The following DOCK10 variants were observed in gnomAD, a reference collection of about 807,000 sequenced individuals.
DOCK10 encodes the protein dedicator of cytokinesis 10.
A neutral mutation model predicts 280.1 loss-of-function variants in DOCK10; 145 were observed. The ratio of observed to expected loss-of-function variants is 0.52; its 90% confidence interval spans 0.45 to 0.59. The LOEUF (loss-of-function observed/expected upper bound fraction) is 0.59. Ranked by LOEUF, DOCK10 falls within the 20% of genes least tolerant of loss-of-function variation. The pLI, the probability that DOCK10 is intolerant of heterozygous loss-of-function variation, is 0.00. For synonymous variants in DOCK10, 915 were observed against 942.2 expected (o/e 0.97, Z 0.53); for missense variants, 2,368 against 2,651.7 (o/e 0.89, Z 2.35).
intron 29 of DOCK10, 39 bp from the exon 30 acceptor site, chr2:224,816,752 C>T (rs377660612): frequency 2.7e-6 from 3 of 1,123,770 alleles, no homozygotes; most frequent in Non-Finnish European, 3.9e-6. Context: ...GACTTACAGA[C>T]CAAGAAACTG....
rs568144566 is a variant in DOCK10 at position 224,970,518 on chromosome 2, C to T, written c.124-38850G>A. Among the ~76,000 whole-genome samples, 1 of 152,308 alleles carries T rather than the reference C, an allele frequency of 6.6e-6. No individual in the cohort carries two copies. The highest frequency in any genetic ancestry group is 2.1e-4 in the South Asian group (1 of 4,826). On this transcript the variant is annotated intron_variant, in intron 1 of 55. Coordinates refer to ENST00000258390, the MANE Select transcript of DOCK10 (RefSeq NM_014689.3). This position sits in a 1 kb window ranked among gnomAD's most constrained non-coding sequence, Gnocchi z 4.6. Reference sequence around the variant, plus strand: ...CGACATTTCCGGATTCAGACTTCTGCAACATGACAGAGATAGATGTCTGTT... The same window carrying T: ...CGACATTTCCGGATTCAGACTTCTGTAACATGACAGAGATAGATGTCTGTT...
Position 224,780,415 on chromosome 2 carries a change from G to T in DOCK10, c.5656-2131C>A, listed in dbSNP as rs191355214. 5.9e-3 allele frequency among the ~76,000 whole-genome samples: 901 copies of T among 152,188 alleles called. 4 individuals carry two copies. Among genetic ancestry groups the T allele is most frequent in the Non-Finnish European group, 8.4e-3 (570 of 68,014 alleles). ...GAAGCTTTCAGGCGAATCCTCATGG[G>T]GCTAAAGCTGAAGCAACATTTGCAA... On this transcript the variant is annotated intron_variant, in intron 50 of 55. Transcript: ENST00000258390.
rs777016443 is a variant in DOCK10, at chr2:224,804,557, C to A, written c.4166+237G>T. 9.3e-5 allele frequency among the ~76,000 whole-genome samples: 14 copies of A among 150,098 alleles called. No homozygotes were observed. The South Asian group carries it at 1.9e-3, about 20-fold the overall frequency. The stretch of plus-strand genomic sequence containing the variant: ...CTGAAGATACATGAAATGTGGTTTT[C>A]TTTCAAAAATTTGTGTTTTTGTGCT... On this transcript the variant is annotated intron_variant, in intron 38 of 55. Transcript: ENST00000258390.
At chr2:224,914,321 C>T (rs1469148725) in intron 3 of DOCK10, among the ~76,000 whole-genome samples, 2 of 152,044 alleles carry the variant, frequency 1.3e-5, no homozygotes, top group African/African-American at 4.8e-5. Flanking sequence ...TTTTTTAAAG[C>T]TAGCATCTCT....
At chr2:225,024,927 AC>A (rs1345761463) in intron 1 of DOCK10, among the ~76,000 whole-genome samples, 2 of 152,120 alleles carry the variant, frequency 1.3e-5, no homozygotes, top group Non-Finnish European at 2.9e-5. Flanking sequence ...AATCAAAAAA[AC>A]ATTTTGATTC....
chr2:224,796,813 A>G (rs1369812140), intron 43 of DOCK10, 151 bp downstream of exon 43: 8 of 685,232 alleles, frequency 1.2e-5, no homozygotes, highest in Admixed American at 2.7e-5. Context: ...TGCCCCTACT[A>G]TTAAACAGAA....
At chr2:224,899,553 G>C (rs2125845390) in intron 3 of DOCK10, among the ~76,000 whole-genome samples, 1 of 152,304 alleles carries the variant, frequency 6.6e-6, no homozygotes, top group South Asian at 2.1e-4. Context: ...AAGGAAAGGG[G>C]CTGGGAGATT....
chr2:224,997,617 C>T (rs1706311432), intron 1 of DOCK10, among the ~76,000 whole-genome samples: 1 of 152,112 alleles, frequency 6.6e-6, no homozygotes, highest in Non-Finnish European at 1.5e-5. Flanking sequence ...CATCCGTGTG[C>T]AACCTGCAAC....
At position 224,823,638 on chromosome 2, in the gene DOCK10, G is replaced by T; in HGVS notation, c.3046C>A (p.Pro1016Thr). ...IDTNKIQLPRPQRFPESYQNE... is the reference protein window; with the variant it reads ...IDTNKIQLPRTQRFPESYQNE... ...TGGTAAGATTCAGGAAATCTCTGAG[G>T]CCGGGGAAGCTAAGGAAAGAACGGA... Residue 1016 changes from proline (P) to threonine (T), a missense_variant, in exon 28 of 56, where the codon CCT becomes ACT. Coordinates refer to ENST00000258390, the MANE Select transcript of DOCK10 (RefSeq NM_014689.3). 6.3e-7 allele frequency: 1 copy of T among 1,593,116 alleles called. No homozygotes were observed. Among genetic ancestry groups the T allele is most frequent in the Non-Finnish European group, 8.5e-7 (1 of 1,172,850 alleles).
chr2:224,833,869 C>G (rs1050985209), intron 26 of DOCK10, among the ~76,000 whole-genome samples: 1 of 152,164 alleles, frequency 6.6e-6, no homozygotes, highest in Admixed American at 6.5e-5. Context: ...CCAGGCTGGT[C>G]TTGAACTCCT....
At chr2:224,903,127 C>A (rs1033366084) in intron 3 of DOCK10, among the ~76,000 whole-genome samples, 11 of 151,994 alleles carry the variant, frequency 7.2e-5, no homozygotes, top group East Asian at 3.9e-4. Flanking sequence ...AACAAACAAA[C>A]AAAAAAACTT....
intron 1 of DOCK10, among the ~76,000 whole-genome samples, chr2:224,961,707 ATGT>A (rs1704461928): frequency 6.6e-6 from 1 of 151,772 alleles, no homozygotes; most frequent in Non-Finnish European, 1.5e-5. Context: ...AGGTTTCACC[ATGT>A]TGGCCAGGAT....
intron 14 of DOCK10, chr2:224,862,377 A>G: frequency 3.9e-6 from 1 of 256,094 alleles, no homozygotes; most frequent in Non-Finnish European, 7.5e-6. Flanking sequence ...TATACATAAT[A>G]AACAATTTAT....
intron 11 of DOCK10, 74 bp downstream of exon 11, chr2:224,873,922 A>T (rs2125683781): frequency 6.8e-7 from 1 of 1,476,416 alleles, no homozygotes; most frequent in South Asian, 1.4e-5. Context: ...AATTAGCAGG[A>T]ATAGAAAAGA....
In DOCK10 at chr2:224,807,792, A is replaced by C; in HGVS notation, c.3586-8T>G. 1 of 1,563,648 alleles carries C rather than the reference A, an allele frequency of 6.4e-7. No individual in the cohort carries two copies. Among genetic ancestry groups the C allele is most frequent in the Middle Eastern group, 1.7e-4 (1 of 5,952 alleles). On this transcript the variant is annotated splice_polypyrimidine_tract_variant and splice_region_variant and intron_variant, in intron 32 of 55. Transcript: ENST00000258390. ...TATCTGGGCCTGCTTTCTCTAGGAGAAAAGGTAGCCAAAAGAAATGATTCA... is the reference window on the plus strand; with the variant it reads ...TATCTGGGCCTGCTTTCTCTAGGAGCAAAGGTAGCCAAAAGAAATGATTCA...
intron 1 of DOCK10, among the ~76,000 whole-genome samples, chr2:224,947,706 C>T (rs1191135026): frequency 6.6e-6 from 1 of 152,130 alleles, no homozygotes; most frequent in Admixed American, 6.5e-5. Context: ...CCCCTCAAAC[C>T]CACCCAGATG....
intron 14 of DOCK10, chr2:224,860,976 T>A (rs1389983795): frequency 6.6e-6 from 1 of 152,296 alleles, no homozygotes; most frequent in Non-Finnish European, 1.5e-5. Flanking sequence ...GAAAAATGTG[T>A]GCACTATTGT....
At chr2:224,824,508 C>T (rs180689499) in intron 27 of DOCK10, among the ~76,000 whole-genome samples, 9 of 139,176 alleles carry the variant, frequency 6.5e-5, no homozygotes, top group Admixed American at 1.5e-4. Flanking sequence ...GTGATCTCAG[C>T]TCACTGCAAC....
intron 1 of DOCK10, among the ~76,000 whole-genome samples, chr2:225,004,464 AATATCTATT>A (rs1706518665): frequency 6.6e-6 from 1 of 152,220 alleles, no homozygotes; most frequent in African/African-American, 2.4e-5. Flanking sequence ...TGTAAGAATA[AATATCTATT>A]GTTGTCATAA....
Sources: allele counts gnomAD v4.1 joint callset (sites outside exome capture counted in the v4.1 genomes callset), GRCh38; gene constraint gnomAD v4.1.1; non-coding constraint Gnocchi (gnomAD v3.1); transcripts MANE v1.5; gene names NCBI Gene and HGNC (gene_info 2026-07-23, HGNC 2026-07-21).